The following HCN2 variants were observed in gnomAD, a reference collection of about 807,000 sequenced individuals.
The protein encoded by HCN2 is hyperpolarization activated cyclic nucleotide gated potassium and sodium channel 2.
A neutral mutation model predicts 52.3 loss-of-function variants in HCN2; 20 were observed. The observed-to-expected ratio is 0.38, with a 90% CI of 0.27 to 0.56. HCN2 has a LOEUF of 0.56. HCN2 is among the 20% of genes least tolerant of loss of function. HCN2 has a pLI of 0.71. For synonymous variants in HCN2, 694 were observed against 537.0 expected (o/e 1.29, Z -4.04); for missense variants, 981 against 1,207.7 (o/e 0.81, Z 2.78).
chr19:613,535 C>T (rs1325588570), intron 6 of HCN2, 47 bp downstream of exon 6: 4 of 1,312,536 alleles, frequency 3.0e-6, no homozygotes, highest in Non-Finnish European at 4.2e-6. Flanking sequence ...GCACGCGACC[C>T]CCGCGGTGTG....
chr19:589,894 G>A lies in HCN2; in HGVS notation c.-52G>A. 2.9e-6 allele frequency: 2 copies of A among 698,464 alleles called. No individual in the cohort carries two copies. Among genetic ancestry groups the A allele is most frequent in the Non-Finnish European group, 3.4e-6 (2 of 582,430 alleles). 43.3% of individuals were successfully genotyped at this position (698,464 alleles called of 1,614,324 possible). A position where few individuals can be genotyped will look rare whatever the true frequency, so the allele number is the denominator to read the frequency against. ...CGCCTCCCCCCTCCCTCGGGCTCCG[G>A]CCGGCGGCGGCGGCGGCGGCTCCGC... On this transcript the variant is annotated 5_prime_UTR_variant, in exon 1 of 8. Coordinates refer to ENST00000251287, the MANE Select transcript of HCN2 (RefSeq NM_001194.4).
At chr19:607,849 TG>T in intron 3 of HCN2, 114 bp from the exon 4 acceptor site, 1 of 707,372 alleles carries the variant, frequency 1.4e-6, no homozygotes, top group Non-Finnish European at 2.4e-6. Context: ...CCTCTGAACA[TG>T]GGGAGCTCAC....
At position 609,051 on chromosome 19, in the gene HCN2, C is replaced by T. The variant is rs150952787; in HGVS notation, c.1437+869C>T. 6.9e-3 allele frequency among the ~76,000 whole-genome samples: 1,055 copies of T among 152,318 alleles called. 14 individuals are homozygous for T. The highest frequency in any genetic ancestry group is 0.025 in the African/African-American group (1,021 of 41,556). Reference sequence around the variant, plus strand: ...CGGCTGGCTGGTCCTGGCTGGGAGCCAAGTGCCCCCCTCTCCCGCGCCCCG... The same window carrying T: ...CGGCTGGCTGGTCCTGGCTGGGAGCTAAGTGCCCCCCTCTCCCGCGCCCCG... On this transcript the variant is annotated intron_variant, in intron 4 of 7. Coordinates refer to ENST00000251287, the MANE Select transcript of HCN2 (RefSeq NM_001194.4).
chr19:611,281 C>T (rs1365073499), intron 5 of HCN2, among the ~76,000 whole-genome samples: 2 of 152,220 alleles, frequency 1.3e-5, no homozygotes, highest in African/African-American at 2.4e-5. Context: ...GAAGGTCCCA[C>T]CCTCAGGAAG....
At chr19:608,987 C>G (rs1476215238) in intron 4 of HCN2, among the ~76,000 whole-genome samples, 1 of 152,196 alleles carries the variant, frequency 6.6e-6, no homozygotes, top group Non-Finnish European at 1.5e-5. Flanking sequence ...GGAGTTGGGC[C>G]TCATGCACCA....
At chr19:614,596 A>G (rs1983817032) in intron 7 of HCN2, among the ~76,000 whole-genome samples, 1 of 152,150 alleles carries the variant, frequency 6.6e-6, no homozygotes, top group Admixed American at 6.5e-5. Context: ...TGAGGTGGAA[A>G]AGAGGCCTAG....
chr19:594,722 G>C (rs1383416648), intron 1 of HCN2, among the ~76,000 whole-genome samples: 1 of 152,184 alleles, frequency 6.6e-6, no homozygotes, highest in Non-Finnish European at 1.5e-5. Flanking sequence ...GCAGGGCGAG[G>C]CGAGGGTTTG....
chr19:603,480 G>T, intron 1 of HCN2, 64 bp from the exon 2 acceptor site: 1 of 1,354,850 alleles, frequency 7.4e-7, no homozygotes, highest in Non-Finnish European at 1.0e-6. Context: ...AAGAGTGCCC[G>T]GGGCTGGTCC....
intron 1 of HCN2, among the ~76,000 whole-genome samples, chr19:602,551 T>A (rs1396987529): frequency 6.6e-6 from 1 of 152,176 alleles, no homozygotes; most frequent in Non-Finnish European, 1.5e-5. Flanking sequence ...CCTCCCGGCG[T>A]GAGCTGAGCA....
Position 616,995 on chromosome 19 carries a change from C to G in HCN2, c.*521C>G, listed in dbSNP as rs1191017732. ...CCCCGCCTCCCTCCAGCACTGGCAC[C>G]GAGAGGCAGGCCTGGCTGCGCAGGG... On this transcript the variant is annotated 3_prime_UTR_variant, in exon 8 of 8. Coordinates refer to ENST00000251287, the MANE Select transcript of HCN2 (RefSeq NM_001194.4). 1.2e-5 allele frequency: 6 copies of G among 499,578 alleles called. No individual in the cohort carries two copies. The highest frequency in any genetic ancestry group is 1.1e-3 in the Middle Eastern group (2 of 1,764). The allele number at this position is 499,578 out of a possible 1,614,324, so 30.9% of individuals were successfully genotyped here.
chr19:590,107 C>T lies in HCN2; in HGVS notation c.162C>T (p.His54=), dbSNP rs1292757280. Residue 54 remains histidine, a synonymous_variant, in exon 1 of 8, where the codon CAC becomes CAT. Coordinates refer to ENST00000251287, the MANE Select transcript of HCN2 (RefSeq NM_001194.4). The surrounding 1 kb of genome is among the most constrained non-coding windows in gnomAD (Gnocchi z 7.2). ...PPGPGPAPPQ[H]PPRAEALPPE... ...GCCCCGGGCCCGCGCCCCCCCAGCA[C>T]CCGCCCCGGGCCGAGGCGTTGCCCC... The T allele has an allele frequency of 6.9e-5, 57 of 825,604 alleles. No individual in the cohort carries two copies. The highest frequency in any genetic ancestry group is 2.6e-4 in the Admixed American group (4 of 15,194). The allele number at this position is 825,604 out of a possible 1,614,324, so 51.1% of individuals were successfully genotyped here.
intron 1 of HCN2, among the ~76,000 whole-genome samples, chr19:594,194 G>A (rs1029382440): frequency 7.3e-6 from 1 of 136,542 alleles, no homozygotes. Flanking sequence ...TCCGAAGCTT[G>A]CTGTCATCCA....
chr19:590,549 TG>T lies in HCN2; in HGVS notation c.606del (p.Trp202Ter). 1 of 1,500,064 alleles carries T rather than the reference TG, an allele frequency of 6.7e-7. No homozygotes were observed. The highest frequency in any genetic ancestry group is 9.0e-7 in the Non-Finnish European group (1 of 1,116,576). The allele number at this position is 1,500,064 out of a possible 1,614,324, so 92.9% of individuals were successfully genotyped here. On this transcript the variant is annotated frameshift_variant, in exon 1 of 8. Transcript: ENST00000251287. LOFTEE classifies it high-confidence loss of function. The surrounding 1 kb of genome is among the most constrained non-coding windows in gnomAD (Gnocchi z 7.2). ...GGAGCGCGTCAAGTCGGCGGGGGCC[TG>T]GATCATCCACCCGTACAGCGACTTC... is the stretch of plus-strand genomic sequence containing the variant. ...EQERVKSAGAWIIHPYSDFRF... is the reference protein window; with the variant it reads ...EQERVKSAGAXIIHPYSDFRF...
chr19:608,115 T>C lies in HCN2; in HGVS notation c.1370T>C (p.Met457Thr). Reference sequence around the variant, plus strand: ...ATTGTGGGTGCCACCTGCTACGCCATGTTCATCGGCCACGCCACTGCCCTC... The same window carrying C: ...ATTGTGGGTGCCACCTGCTACGCCACGTTCATCGGCCACGCCACTGCCCTC... ...SMIVGATCYA[M>T]FIGHATALIQ... Residue 457 changes from methionine (M) to threonine (T), a missense_variant, in exon 4 of 8, where the codon ATG becomes ACG. Met to Thr is a moderately conservative substitution (Grantham distance 81). Transcript: ENST00000251287. The C allele has an allele frequency of 6.2e-7, 1 of 1,613,310 alleles. No individual in the cohort carries two copies. The highest frequency in any genetic ancestry group is 8.5e-7 in the Non-Finnish European group (1 of 1,179,994).
intron 1 of HCN2, among the ~76,000 whole-genome samples, chr19:598,678 T>G (rs1360022409): frequency 6.6e-6 from 1 of 152,206 alleles, no homozygotes. Context: ...CTCGGCTCAC[T>G]GCAAGCTCCG....
intron 1 of HCN2, among the ~76,000 whole-genome samples, chr19:600,293 G>A (rs1055167961): frequency 5.3e-5 from 8 of 152,046 alleles, no homozygotes; most frequent in Admixed American, 2.6e-4. Context: ...CTGCTTCAGC[G>A]TCCCGAGTAG....
chr19:605,243 C>A, intron 3 of HCN2, 21 bp downstream of exon 3: 1 of 1,607,440 alleles, frequency 6.2e-7, no homozygotes, highest in Non-Finnish European at 8.5e-7. Flanking sequence ...CGGGCCCTGA[C>A]GGAGGGGGAG....
chr19:603,571 G>C lies in HCN2; in HGVS notation c.660G>C (p.Leu220=), dbSNP rs1417249115. The stretch of plus-strand genomic sequence containing the variant: ...TCTACTGGGACTTCACCATGCTGCT[G>C]TTCATGGTGGGAAACCTCATCATCA... The part of the protein sequence containing the change: ...FRFYWDFTML[L]FMVGNLIIIP... Residue 220 remains leucine (L), a synonymous_variant, in exon 2 of 8, where the codon CTG becomes CTC. Coordinates refer to ENST00000251287, the MANE Select transcript of HCN2 (RefSeq NM_001194.4). 2 of 1,608,586 alleles carry C rather than the reference G, an allele frequency of 1.2e-6. No homozygotes were observed. The highest frequency in any genetic ancestry group is 2.7e-5 in the African/African-American group (2 of 74,906).
chr19:605,009 G>A, intron 2 of HCN2, 52 bp from the exon 3 acceptor site: 1 of 1,578,934 alleles, frequency 6.3e-7, no homozygotes, highest in Non-Finnish European at 8.6e-7. Flanking sequence ...GGGCTCTGAA[G>A]GTGGGGGCCG....
Sources: allele counts gnomAD v4.1 joint callset (sites outside exome capture counted in the v4.1 genomes callset), GRCh38; gene constraint gnomAD v4.1.1; non-coding constraint Gnocchi (gnomAD v3.1); transcripts MANE v1.5; gene names NCBI Gene and HGNC (gene_info 2026-07-23, HGNC 2026-07-21).